The following ACAP2 variants were observed in gnomAD, a reference collection of about 807,000 sequenced individuals.
The protein encoded by ACAP2 is arf-GAP with coiled-coil, ANK repeat and PH domain-containing protein 2.
Under a neutral mutation model 115.8 loss-of-function variants are expected in ACAP2, and 39 were observed. That is an observed-to-expected ratio of 0.34 (90% confidence interval 0.26 to 0.44). The LOEUF is 0.44. ACAP2 is among the 20% of genes least tolerant of loss of function. The pLI is 1.00. For synonymous variants in ACAP2, 289 were observed against 315.8 expected, an observed-to-expected ratio of 0.92 and a Z score of 0.90; for missense variants, 662 against 927.6, an observed-to-expected ratio of 0.71 and a Z score of 3.72.
intron 4 of ACAP2, among the ~76,000 whole-genome samples, chr3:195,380,717 A>G (rs569898574): frequency 6.1e-4 from 93 of 152,320 alleles, no homozygotes; most frequent in African/African-American, 2.2e-3. Flanking sequence ...ACAAAGCCAC[A>G]ACTTAAAGGG....
chr3:195,279,736 A>C (rs145988245), intron 22 of ACAP2: 1 of 176,374 alleles, frequency 5.7e-6, no homozygotes, highest in African/African-American at 2.4e-5. Flanking sequence ...CACGGGGGGG[A>C]AAAGTCATTC....
At chr3:195,412,617 T>C (rs1713374263) in intron 1 of ACAP2, among the ~76,000 whole-genome samples, 1 of 151,454 alleles carries the variant, frequency 6.6e-6, no homozygotes, top group African/African-American at 2.4e-5. Context: ...CCTCAAAAAA[T>C]AAAATAAAAA....
intron 1 of ACAP2, among the ~76,000 whole-genome samples, chr3:195,441,145 ATT>A (rs1715963781): frequency 6.6e-6 from 1 of 152,058 alleles, no homozygotes; most frequent in Non-Finnish European, 1.5e-5. Context: ...AAAAAAAAAA[ATT>A]AATGTGAAAC....
chr3:195,301,732 T>C lies in ACAP2; in HGVS notation c.1326-88A>G, dbSNP rs1728071442. ...TGTTTTAACGTGACACAGGCTCTAA[T>C]AAAGCCCTCGGCATACACATATAGG... On this transcript the variant is annotated intron_variant, in intron 14 of 22. Transcript: ENST00000326793. 5 of 1,319,752 alleles carry C rather than the reference T, an allele frequency of 3.8e-6. No homozygotes were observed. The Admixed American group carries it at 5.9e-5, about 16-fold the overall frequency. 81.8% of individuals were successfully genotyped at this position (1,319,752 alleles called of 1,614,324 possible).
intron 19 of ACAP2, 96 bp downstream of exon 19, chr3:195,292,169 T>A: frequency 7.2e-7 from 1 of 1,394,752 alleles, no homozygotes; most frequent in Admixed American, 2.7e-5. Context: ...AACCCATCTC[T>A]TGAAGCAAAG....
intron 4 of ACAP2, among the ~76,000 whole-genome samples, chr3:195,352,106 TA>T (rs1731650130): frequency 6.6e-6 from 1 of 152,206 alleles, no homozygotes; most frequent in African/African-American, 2.4e-5. Context: ...GGTGGTCCCA[TA>T]AAATTATAGT....
At chr3:195,407,328 T>C (rs867477686) in intron 1 of ACAP2, among the ~76,000 whole-genome samples, 2 of 151,880 alleles carry the variant, frequency 1.3e-5, no homozygotes, top group Non-Finnish European at 2.9e-5. Context: ...CAAGCCTCCA[T>C]CTTCACAAAA....
intron 1 of ACAP2, among the ~76,000 whole-genome samples, chr3:195,426,985 AC>A (rs761111852): frequency 2.1e-4 from 32 of 151,924 alleles, no homozygotes; most frequent in Non-Finnish European, 3.5e-4. Flanking sequence ...ACCCGCAAAT[AC>A]GTTAGGTTAC....
At chr3:195,325,873 T>G (rs1577303642) in intron 9 of ACAP2, among the ~76,000 whole-genome samples, 1 of 152,276 alleles carries the variant, frequency 6.6e-6, no homozygotes, top group Non-Finnish European at 1.5e-5. Flanking sequence ...AAACAAAAGT[T>G]AATCTAACTG....
At chr3:195,311,971 G>C (rs1728804276) in intron 10 of ACAP2, among the ~76,000 whole-genome samples, 2 of 150,518 alleles carry the variant, frequency 1.3e-5, no homozygotes, top group African/African-American at 4.8e-5. Flanking sequence ...AAATATATTT[G>C]TTGTAAATAT....
chr3:195,301,653 A>G lies in ACAP2; in HGVS notation c.1326-9T>C. ...AATGAACCCCAAGGCTCCTAAGTGG[A>G]AAAAAGAAGACTGCATTACTATCAA... On this transcript the variant is annotated splice_polypyrimidine_tract_variant and intron_variant, in intron 14 of 22. Transcript: ENST00000326793. 1.2e-6 allele frequency: 2 copies of G among 1,609,630 alleles called. No individual in the cohort carries two copies. The highest frequency in any genetic ancestry group is 1.7e-6 in the Non-Finnish European group (2 of 1,178,032).
chr3:195,407,273 G>A (rs949755077), intron 1 of ACAP2, among the ~76,000 whole-genome samples: 1 of 151,124 alleles, frequency 6.6e-6, no homozygotes, highest in Non-Finnish European at 1.5e-5. Context: ...TGAGGTGGGA[G>A]GATTGTTTGA....
chr3:195,425,654 C>T (rs2108845610), intron 1 of ACAP2, among the ~76,000 whole-genome samples: 1 of 152,250 alleles, frequency 6.6e-6, no homozygotes, highest in South Asian at 2.1e-4. Flanking sequence ...CTAGGTGTCT[C>T]AAACTTAACA....
chr3:195,363,069 A>T (rs994703414), intron 4 of ACAP2, among the ~76,000 whole-genome samples: 4 of 152,222 alleles, frequency 2.6e-5, no homozygotes, highest in Admixed American at 6.5e-5. Flanking sequence ...ACCACCAAAA[A>T]AACTATTACA....
At chr3:195,406,329 T>C (rs556503072) in intron 1 of ACAP2, among the ~76,000 whole-genome samples, 1 of 152,288 alleles carries the variant, frequency 6.6e-6, no homozygotes, top group South Asian at 2.1e-4. Flanking sequence ...AAAACTTCAG[T>C]CATGTGTACT....
chr3:195,426,006 C>G (rs1714658363), intron 1 of ACAP2, among the ~76,000 whole-genome samples: 1 of 152,184 alleles, frequency 6.6e-6, no homozygotes, highest in South Asian at 2.1e-4. Flanking sequence ...TTATCTCCCA[C>G]CACTGCTAAA....
intron 10 of ACAP2, 33 bp downstream of exon 10, chr3:195,320,668 T>C (rs1285563138): frequency 6.8e-7 from 1 of 1,462,114 alleles, no homozygotes; most frequent in Non-Finnish European, 9.6e-7. Context: ...CAAAACTATG[T>C]ATAGATCAAG....
intron 4 of ACAP2, among the ~76,000 whole-genome samples, chr3:195,366,129 G>A (rs1732705601): frequency 6.6e-6 from 1 of 152,176 alleles, no homozygotes; most frequent in African/African-American, 2.4e-5. Context: ...ACAGGCGTGA[G>A]CTACCATGTC....
rs79015613 is a variant in ACAP2, at chr3:195,355,747, G to A, written c.286-10430C>T. 1.2e-3 allele frequency among the ~76,000 whole-genome samples: 188 copies of A among 152,312 alleles called. 8 individuals are homozygous for A. In the East Asian group the frequency reaches 0.029, roughly 23 times the overall value. On this transcript the variant is annotated intron_variant, in intron 4 of 22. Coordinates refer to ENST00000326793, the MANE Select transcript of ACAP2 (RefSeq NM_012287.6). The stretch of plus-strand genomic sequence containing the variant: ...GCACTTCAAAGATCTAGTCCAGAAA[G>A]GTTAGTAAAAGAGTAGGCTGCATAA...
Sources: gnomAD v4.1 joint callset for allele counts (sites outside exome capture counted in the v4.1 genomes callset) on GRCh38, gnomAD v4.1.1 for gene constraint, MANE v1.5 for transcripts, NCBI Gene and HGNC (gene_info 2026-07-23, HGNC 2026-07-21) for gene names.